The following PARM1 variants were observed in gnomAD, a reference collection of about 807,000 sequenced individuals.
PARM1 encodes WSC4, cell wall integrity and stress response component 4 homolog.
In PARM1, 14 loss-of-function variants were observed where a neutral mutation model predicts 24.6. The observed-to-expected ratio is 0.57, with a 90% CI of 0.38 to 0.89. The LOEUF (loss-of-function observed/expected upper bound fraction) is 0.89. PARM1 is among the 40% of genes least tolerant of loss of function. PARM1 has a pLI of 0.00. For synonymous variants in PARM1, 179 were observed against 156.6 expected (o/e 1.14, Z -1.07); for missense variants, 362 against 380.4 (o/e 0.95, Z 0.40).
intron 2 of PARM1, among the ~76,000 whole-genome samples, chr4:75,018,929 T>C (rs774805879): frequency 6.6e-6 from 1 of 152,068 alleles, no homozygotes; most frequent in Non-Finnish European, 1.5e-5. Context: ...AGACACAGAG[T>C]TGGGGAAGAA....
At position 75,049,857 on chromosome 4, in the gene PARM1, C is replaced by CATT. The variant is rs1336224002; in HGVS notation, c.*3610_*3611insATT. 1 of 138,688 alleles carries CATT rather than the reference C, an allele frequency of 7.2e-6. No individual in the cohort carries two copies. The highest frequency in any genetic ancestry group is 3.0e-5 in the African/African-American group (1 of 33,666). 8.6% of individuals were successfully genotyped at this position (138,688 alleles called of 1,614,324 possible). A position where few individuals can be genotyped will look rare whatever the true frequency, so the allele number is the denominator to read the frequency against. On this transcript the variant is annotated 3_prime_UTR_variant, in exon 4 of 4. Coordinates refer to ENST00000307428, the MANE Select transcript of PARM1 (RefSeq NM_015393.4). Reference sequence around the variant, plus strand: ...TGATTCACCTTCTTTGCCTTTAAGCCTTTTTTTTCTTTTTTTTTTTTTTGG... The same window carrying CATT: ...TGATTCACCTTCTTTGCCTTTAAGCCATTTTTTTTTTCTTTTTTTTTTTTTTGG...
intron 1 of PARM1, among the ~76,000 whole-genome samples, chr4:74,985,867 C>T (rs537534455): frequency 1.1e-3 from 164 of 152,264 alleles, no homozygotes; most frequent in African/African-American, 3.4e-3. Flanking sequence ...CTCCCAGGTT[C>T]AAGTGATTCT....
chr4:75,020,273 A>G lies in PARM1; in HGVS notation c.769+7123A>G, dbSNP rs116612927. 1.6e-3 allele frequency among the ~76,000 whole-genome samples: 248 copies of G among 152,256 alleles called. 1 individual carries two copies. Among genetic ancestry groups the G allele is most frequent in the African/African-American group, 5.8e-3 (240 of 41,548 alleles). On this transcript the variant is annotated intron_variant, in intron 2 of 3. Transcript: ENST00000307428. ...AGTATGGTATCTTACGCTCAGCTTT[A>G]CAAATATTAGATCATTGTATATGCC...
chr4:75,034,133 G>A (rs912736468), intron 3 of PARM1, among the ~76,000 whole-genome samples, 172 bp downstream of exon 3: 2 of 152,078 alleles, frequency 1.3e-5, no homozygotes, highest in Non-Finnish European at 2.9e-5. Flanking sequence ...AGGTATAGAC[G>A]TACAGTATCT....
intron 1 of PARM1, among the ~76,000 whole-genome samples, chr4:74,976,153 G>T (rs1299329758): frequency 4.6e-5 from 7 of 152,168 alleles, no homozygotes; most frequent in Non-Finnish European, 1.0e-4. Flanking sequence ...ACTCTTGGTG[G>T]CTGCTTGAGT....
chr4:75,046,222 A>G lies in PARM1; in HGVS notation c.908A>G (p.Asn303Ser), dbSNP rs376033630. The G allele has an allele frequency of 7.7e-5, 124 of 1,611,876 alleles. No homozygotes were observed. The African/African-American group carries it at 1.6e-3, about 20-fold the overall frequency. ...DHDYGSWGNYNNPLYDDS is the reference protein window; with the variant it reads ...DHDYGSWGNYSNPLYDDS ...GACTACGGGTCCTGGGGAAACTACA[A>G]CAACCCTCTGTACGATGACTCCTAA... The change falls in exon 4 of 4, where the codon AAC becomes AGC. Residue 303 changes from asparagine (N) to serine (S), a missense_variant. Coordinates refer to ENST00000307428, the MANE Select transcript of PARM1 (RefSeq NM_015393.4).
chr4:75,019,348 C>T (rs765704828), intron 2 of PARM1, among the ~76,000 whole-genome samples: 1 of 152,198 alleles, frequency 6.6e-6, no homozygotes, highest in Non-Finnish European at 1.5e-5. Context: ...CATATGCAAA[C>T]TTTAAAATTA....
At chr4:74,934,445 C>T (rs1008107113) in intron 1 of PARM1, among the ~76,000 whole-genome samples, 7 of 152,194 alleles carry the variant, frequency 4.6e-5, no homozygotes, top group African/African-American at 1.7e-4. Context: ...CGTCGCAATC[C>T]CTTGAAAAGA....
chr4:75,046,040 G>C (rs1009991657), intron 3 of PARM1, 123 bp from the exon 4 acceptor site: 1 of 647,546 alleles, frequency 1.5e-6, no homozygotes, highest in Non-Finnish European at 2.8e-6. Context: ...GTCCTAGTGA[G>C]AGCGTCACAA....
intron 1 of PARM1, among the ~76,000 whole-genome samples, chr4:74,991,528 G>C (rs1722466236): frequency 6.6e-6 from 1 of 151,676 alleles, no homozygotes; most frequent in Admixed American, 6.6e-5. Context: ...GAGAGAGAGA[G>C]CTCCAGAACC....
intron 1 of PARM1, among the ~76,000 whole-genome samples, chr4:74,950,237 A>G (rs1436173299): frequency 6.6e-6 from 1 of 152,214 alleles, no homozygotes; most frequent in Admixed American, 6.5e-5. Context: ...AAAACAACAG[A>G]AACATATTCT....
At chr4:74,938,078 A>G (rs1721229726) in intron 1 of PARM1, among the ~76,000 whole-genome samples, 2 of 152,232 alleles carry the variant, frequency 1.3e-5, no homozygotes, top group Non-Finnish European at 1.5e-5. Context: ...TAACTTAGGA[A>G]AAAACAGGTC....
chr4:74,968,721 C>T (rs1228067998), intron 1 of PARM1, among the ~76,000 whole-genome samples: 1 of 152,164 alleles, frequency 6.6e-6, no homozygotes, highest in Non-Finnish European at 1.5e-5. Context: ...TTCATTCATT[C>T]AGAACAAATG....
intron 2 of PARM1, among the ~76,000 whole-genome samples, chr4:75,016,803 T>C (rs1033824154): frequency 5.3e-5 from 8 of 152,166 alleles, no homozygotes; most frequent in Non-Finnish European, 1.2e-4. Context: ...CACTCCTGCG[T>C]GGATGACTCT....
intron 1 of PARM1, among the ~76,000 whole-genome samples, chr4:74,971,275 T>C (rs1722031611): frequency 6.6e-6 from 1 of 152,106 alleles, no homozygotes; most frequent in Admixed American, 6.5e-5. Context: ...GAGCTGCCCT[T>C]TATTAAACCA....
intron 1 of PARM1, among the ~76,000 whole-genome samples, chr4:74,982,032 A>G (rs1048378709): frequency 1.2e-4 from 19 of 152,204 alleles, no homozygotes; most frequent in African/African-American, 4.3e-4. Context: ...TAGCAAAGGC[A>G]TGGCATCAAC....
intron 1 of PARM1, among the ~76,000 whole-genome samples, chr4:74,980,730 C>T (rs1169563778): frequency 6.6e-6 from 1 of 152,004 alleles, no homozygotes; most frequent in Non-Finnish European, 1.5e-5. Context: ...GTGAAAGTAA[C>T]CAAAATGGCT....
intron 1 of PARM1, among the ~76,000 whole-genome samples, chr4:74,979,660 A>C (rs775247742): frequency 7.9e-5 from 12 of 152,138 alleles, no homozygotes; most frequent in South Asian, 2.1e-4. Context: ...CACAACAACA[A>C]CACAAAGGAA....
chr4:75,025,051 G>T (rs2109803587), intron 2 of PARM1, among the ~76,000 whole-genome samples: 1 of 152,312 alleles, frequency 6.6e-6, no homozygotes, highest in African/African-American at 2.4e-5. Context: ...AAATACTAAA[G>T]AGATAGAGGA....
Sources: allele counts gnomAD v4.1 joint callset (sites outside exome capture counted in the v4.1 genomes callset), GRCh38; gene constraint gnomAD v4.1.1; transcripts MANE v1.5; gene names NCBI Gene and HGNC (gene_info 2026-07-23, HGNC 2026-07-21).